The following LAMB1 variants were observed in gnomAD, a reference collection of about 807,000 sequenced individuals.
LAMB1 encodes laminin subunit beta 1.
LAMB1 carries 121 observed loss-of-function variants against 222.3 expected under a neutral mutation model. That is an observed-to-expected ratio of 0.54 (90% CI 0.47 to 0.63). The LOEUF (loss-of-function observed/expected upper bound fraction) is 0.63. LAMB1 is among the 30% of genes least tolerant of loss of function. The pLI, the probability that LAMB1 is intolerant of heterozygous loss-of-function variation, is 0.00. For missense variants in LAMB1, 2,172 were observed against 2,240.8 expected (o/e 0.97, Z 0.62); for synonymous variants, 794 against 807.2 (o/e 0.98, Z 0.28).
rs1473728213 is a variant in LAMB1, at chr7:107,959,448, C to T, written c.2491G>A (p.Ala831Thr). The change falls in exon 20 of 34, where the codon GCC becomes ACC. Residue 831 changes from alanine (A) to threonine (T), a missense_variant. Physicochemically the swap from Ala to Thr is moderately conservative, Grantham distance 58. Transcript: ENST00000222399. ...CECHLQGSVN[A>T]FCNPVTGQCH... ...TGGCCAGTGACGGGATTGCAGAAGGCATTGACAGATCCTTGCAGATGGCAC... is the reference window on the plus strand; with the variant it reads ...TGGCCAGTGACGGGATTGCAGAAGGTATTGACAGATCCTTGCAGATGGCAC... 6.2e-7 allele frequency: 1 copy of T among 1,614,084 alleles called. No individual in the cohort carries two copies. Among genetic ancestry groups the T allele is most frequent in the African/African-American group, 1.3e-5 (1 of 74,934 alleles).
Position 107,953,654 on chromosome 7 carries a change from TGTC to T in LAMB1, c.2952_2954del (p.Thr985del). 1 of 1,614,220 alleles carries T rather than the reference TGTC, an allele frequency of 6.2e-7. No individual in the cohort carries two copies. Among genetic ancestry groups the T allele is most frequent in the Non-Finnish European group, 8.5e-7 (1 of 1,180,028 alleles). On this transcript the variant is annotated inframe_deletion, in exon 22 of 34. Transcript: ENST00000222399. ...TCTCCTTGTCACAGGCTTCTGGGTCTGTCGTGTCAATGTTGTTGTGACACTGGC... is the reference window on the plus strand; with the variant it reads ...TCTCCTTGTCACAGGCTTCTGGGTCTGTGTCAATGTTGTTGTGACACTGGC...
At chr7:107,959,967 G>T (rs1021100031) in intron 18 of LAMB1, 133 bp from the exon 19 acceptor site, 2 of 1,258,524 alleles carry the variant, frequency 1.6e-6, no homozygotes, top group Admixed American at 2.7e-5. Context: ...TATGATGAGC[G>T]GAAGGGAAGA....
intron 9 of LAMB1, among the ~76,000 whole-genome samples, 164 bp from the exon 10 acceptor site, chr7:107,976,041 T>C (rs1040044206): frequency 1.3e-5 from 2 of 152,128 alleles, no homozygotes; most frequent in African/African-American, 2.4e-5. Flanking sequence ...CCGATGACAC[T>C]GTTTAAACCC....
chr7:107,986,906 T>C (rs1272710715), intron 5 of LAMB1, among the ~76,000 whole-genome samples: 1 of 152,180 alleles, frequency 6.6e-6, no homozygotes, highest in Non-Finnish European at 1.5e-5. Flanking sequence ...AAGAAATTAA[T>C]AACTCAAGAA....
rs1562976722 is a variant in LAMB1, at chr7:107,935,528, CGTCTTCTACTCT to C, written c.4063_4074del (p.Arg1355_Asp1358del). On this transcript the variant is annotated inframe_deletion, in exon 27 of 34. Transcript: ENST00000222399. ...AACTGGGATTCTCGCTCCATCATCA[CGTCTTCTACTCT>C]GTCTCTCATGAGGGCTGACTGCTCC... 1 of 1,613,780 alleles carries C rather than the reference CGTCTTCTACTCT, an allele frequency of 6.2e-7. No individual in the cohort carries two copies. Among genetic ancestry groups the C allele is most frequent in the Non-Finnish European group, 8.5e-7 (1 of 1,179,984 alleles).
rs2033502766 is a variant in LAMB1, at chr7:107,961,592, G to T, written c.1942C>A (p.Pro648Thr). 6.2e-7 allele frequency: 1 copy of T among 1,613,952 alleles called. No homozygotes were observed. The highest frequency in any genetic ancestry group is 1.7e-5 in the Admixed American group (1 of 60,000). Residue 648 changes from proline to threonine, a missense_variant, in exon 16 of 34, where the codon CCC becomes ACC. Physicochemically the swap from Pro to Thr is conservative, Grantham distance 38 (BLOSUM62 -1). Coordinates refer to ENST00000222399, the MANE Select transcript of LAMB1 (RefSeq NM_002291.3). ...PTSSRCGNTIPDDDNQVVSLS... is the reference protein window; with the variant it reads ...PTSSRCGNTITDDDNQVVSLS... Reference sequence around the variant, plus strand: ...GACACCACCTGGTTGTCATCATCGGGGATGGTATTACCACATCGGCTGCTG... The same window carrying T: ...GACACCACCTGGTTGTCATCATCGGTGATGGTATTACCACATCGGCTGCTG...
chr7:107,985,417 A>G (rs1563004810), intron 7 of LAMB1, among the ~76,000 whole-genome samples: 1 of 151,916 alleles, frequency 6.6e-6, no homozygotes, highest in African/African-American at 2.4e-5. Context: ...TGAGGTCAGG[A>G]GTTCGAGACC....
At chr7:107,972,434 G>A (rs905722900) in intron 13 of LAMB1, among the ~76,000 whole-genome samples, 1 of 152,128 alleles carries the variant, frequency 6.6e-6, no homozygotes, top group Non-Finnish European at 1.5e-5. Context: ...TTGACTCGAA[G>A]GTGGTTAAAC....
At chr7:107,953,889 G>A in intron 21 of LAMB1, 135 bp from the exon 22 acceptor site, 1 of 708,190 alleles carries the variant, frequency 1.4e-6, no homozygotes, top group Non-Finnish European at 2.5e-6. Context: ...AGAGCCCAGG[G>A]TGATCACATC....
chr7:108,002,485 G>T (rs1229741605), intron 2 of LAMB1: 3 of 1,218,648 alleles, frequency 2.5e-6, no homozygotes, highest in Admixed American at 3.2e-5. Context: ...ACTCTCCTGG[G>T]CAATGGATTT....
At chr7:107,970,806 A>G (rs1363170014) in intron 13 of LAMB1, among the ~76,000 whole-genome samples, 1 of 151,224 alleles carries the variant, frequency 6.6e-6, no homozygotes, top group Non-Finnish European at 1.5e-5. Flanking sequence ...ATCTTGGTTC[A>G]CTGCAACCTC....
In LAMB1 at chr7:107,986,200, T is replaced by C; in HGVS notation, c.587A>G (p.Asp196Gly). 1.2e-6 allele frequency: 2 copies of C among 1,614,142 alleles called. No homozygotes were observed. The highest frequency in any genetic ancestry group is 1.7e-6 in the Non-Finnish European group (2 of 1,179,990). Residue 196 changes from aspartate to glycine, a missense_variant, in exon 6 of 34, where the codon GAC (aspartate) becomes GGC (glycine). Coordinates refer to ENST00000222399, the MANE Select transcript of LAMB1 (RefSeq NM_002291.3). ...DDIICDSRYS[D>G]IEPSTEGEVI... ...CTCTCCTTCAGTTGAGGGTTCAATG[T>C]CAGAATATCGAGAATCACAAATTAT...
chr7:107,951,448 G>A, intron 23 of LAMB1, 126 bp from the exon 24 acceptor site: 1 of 771,118 alleles, frequency 1.3e-6, no homozygotes, highest in Non-Finnish European at 2.1e-6. Flanking sequence ...CCATTGACTA[G>A]GAAAAGGGAC....
At chr7:107,988,439 CA>C in intron 5 of LAMB1, among the ~76,000 whole-genome samples, 1 of 140,340 alleles carries the variant, frequency 7.1e-6, no homozygotes, top group African/African-American at 2.6e-5. Flanking sequence ...TATGATGTCT[CA>C]AACAAAAAAA....
At chr7:107,930,469 A>AT (rs1022162586) in intron 29 of LAMB1, among the ~76,000 whole-genome samples, 4 of 152,014 alleles carry the variant, frequency 2.6e-5, no homozygotes, top group Admixed American at 1.3e-4. Context: ...CAGAATACTG[A>AT]TTTTTTTTCA....
chr7:107,926,202 C>G lies in LAMB1; in HGVS notation c.5045G>C (p.Ser1682Thr), dbSNP rs376541869. ...ACGTACCTTCTTAACATCTTCTGCA[C>G]TTTGCTTCACAGTATATACTACTTT... ...IEKVVYTVKQ[S>T]AEDVKKTLDG... The change falls in exon 32 of 34, where the codon AGT becomes ACT. Residue 1682 changes from serine (S) to threonine (T), a missense_variant. Physicochemically the swap from Ser to Thr is moderately conservative, Grantham distance 58. Transcript: ENST00000222399. 6.2e-7 allele frequency: 1 copy of G among 1,613,508 alleles called. No individual in the cohort carries two copies. Among genetic ancestry groups the G allele is most frequent in the Non-Finnish European group, 8.5e-7 (1 of 1,179,622 alleles).
At chr7:108,001,786 C>T (rs754834433) in intron 2 of LAMB1, 53 bp from the exon 3 acceptor site, 16 of 1,589,676 alleles carry the variant, frequency 1.0e-5, no homozygotes, top group Non-Finnish European at 3.4e-6. Flanking sequence ...GGAGTGGAGC[C>T]CGAAAAAAAC....
intron 8 of LAMB1, among the ~76,000 whole-genome samples, chr7:107,979,517 C>T (rs1455585170): frequency 6.6e-6 from 1 of 152,166 alleles, no homozygotes; most frequent in Non-Finnish European, 1.5e-5. Context: ...TCCTTGGGCT[C>T]TATCACCAAT....
rs549250929 is a variant in LAMB1 at position 107,997,932 on chromosome 7, T to A, written c.349+425A>T. Reference sequence around the variant, plus strand: ...AGTGTTACTATTACTATCAAGACACTTTCTGTAGATGAAGGAAGGCAGTGG... The same window carrying A: ...AGTGTTACTATTACTATCAAGACACATTCTGTAGATGAAGGAAGGCAGTGG... On this transcript the variant is annotated intron_variant, in intron 4 of 33. Transcript: ENST00000222399. 3.3e-5 allele frequency among the ~76,000 whole-genome samples: 5 copies of A among 152,238 alleles called. No homozygotes were observed. In the East Asian group the frequency reaches 9.7e-4, roughly 29 times the overall value.
Sources: gnomAD v4.1 joint callset for allele counts (sites outside exome capture counted in the v4.1 genomes callset) on GRCh38, gnomAD v4.1.1 for gene constraint, MANE v1.5 for transcripts, NCBI Gene and HGNC (gene_info 2026-07-23, HGNC 2026-07-21) for gene names.